The following CHD6 variants were observed in gnomAD, a reference collection of about 807,000 sequenced individuals.
CHD6 encodes the protein ATP-dependent chromatin remodeler CHD6.
CHD6 carries 50 observed loss-of-function variants against 276.9 expected under a neutral mutation model. That is an observed-to-expected ratio of 0.18 (90% CI 0.14 to 0.23). The LOEUF is 0.23. Ranked by LOEUF, CHD6 falls within the 10% of genes least tolerant of loss-of-function variation. The pLI, the probability that CHD6 is intolerant of heterozygous loss-of-function variation, is 1.00. For missense variants in CHD6, 2,564 were observed against 3,365.8 expected, an observed-to-expected ratio of 0.76 and a Z score of 5.89; for synonymous variants, 1,173 against 1,229.3, an observed-to-expected ratio of 0.95 and a Z score of 0.96.
intron 2 of CHD6, among the ~76,000 whole-genome samples, chr20:41,543,565 T>C (rs979258433): frequency 1.3e-5 from 2 of 152,306 alleles, no homozygotes; most frequent in African/African-American, 4.8e-5. Flanking sequence ...GAGAAACATA[T>C]CAAGAATAAA....
chr20:41,584,943 C>T (rs184369502), intron 1 of CHD6, among the ~76,000 whole-genome samples: 307 of 151,616 alleles, frequency 2.0e-3, no homozygotes, highest in Admixed American at 3.1e-3. Flanking sequence ...TCATAATGAA[C>T]GAAAATCAAT....
At chr20:41,491,457 G>A (rs2043552074) in intron 11 of CHD6, among the ~76,000 whole-genome samples, 1 of 151,134 alleles carries the variant, frequency 6.6e-6, no homozygotes, top group Non-Finnish European at 1.5e-5. Context: ...CCCTTTTGGT[G>A]TGGCTGGCCA....
chr20:41,492,249 C>A (rs964053403), intron 10 of CHD6, among the ~76,000 whole-genome samples: 1 of 152,154 alleles, frequency 6.6e-6, no homozygotes, highest in Non-Finnish European at 1.5e-5. Flanking sequence ...AGATGACTGA[C>A]AAGTTGAATT....
At chr20:41,485,269 C>G (rs1052678778) in intron 14 of CHD6, among the ~76,000 whole-genome samples, 1 of 152,146 alleles carries the variant, frequency 6.6e-6, no homozygotes, top group African/African-American at 2.4e-5. Context: ...ACTGCACCAG[C>G]AAGGTGACTT....
chr20:41,436,128 G>T (rs2145571979), intron 27 of CHD6, among the ~76,000 whole-genome samples: 1 of 152,166 alleles, frequency 6.6e-6, no homozygotes, highest in South Asian at 2.1e-4. Context: ...TCTGACAAAA[G>T]ACTAGTATCT....
intron 16 of CHD6, among the ~76,000 whole-genome samples, chr20:41,478,419 G>A (rs1306440188): frequency 1.3e-5 from 2 of 152,202 alleles, no homozygotes; most frequent in Non-Finnish European, 1.5e-5. Context: ...AAAGCAGACA[G>A]ATCTTGGAGA....
At position 41,512,858 on chromosome 20, in the gene CHD6, G is replaced by C. The variant is rs1007687144; in HGVS notation, c.840C>G (p.Ala280=). The part of the protein sequence containing the change: ...RTSALSASTL[A]WQAEEPPEDD... ...GCAAAGGCCATACCTCCGCCTGCCA[G>C]GCCAGTGTAGAGGCTGAGAGTGCAG... Residue 280 remains alanine, a synonymous_variant, in exon 5 of 37, where the codon GCC becomes GCG. Transcript: ENST00000373233. 1 of 1,613,936 alleles carries C rather than the reference G, an allele frequency of 6.2e-7. No homozygotes were observed. The highest frequency in any genetic ancestry group is 1.3e-5 in the African/African-American group (1 of 74,918).
Position 41,433,890 on chromosome 20 carries a change from G to T in CHD6, c.4068+3384C>A, listed in dbSNP as rs150387327. Among the ~76,000 whole-genome samples the T allele has an allele frequency of 2.8e-3, 419 of 152,070 alleles. 2 individuals are homozygous for T. The highest frequency in any genetic ancestry group is 0.024 in the Middle Eastern group (7 of 292). On this transcript the variant is annotated intron_variant, in intron 27 of 36. Transcript: ENST00000373233. ...TGATAAAATGATAGCATTAGTAGAC[G>T]GTGATACATTACATATAAATATATG...
chr20:41,576,418 G>A (rs1041296104), intron 1 of CHD6, among the ~76,000 whole-genome samples: 1 of 152,212 alleles, frequency 6.6e-6, no homozygotes, highest in African/African-American at 2.4e-5. Context: ...AGGCGTGGTG[G>A]CTCACATGTG....
intron 17 of CHD6, among the ~76,000 whole-genome samples, chr20:41,472,180 G>A (rs922807927): frequency 4.6e-5 from 7 of 151,778 alleles, no homozygotes; most frequent in African/African-American, 1.5e-4. Flanking sequence ...GGCAGAGGTT[G>A]CAGTGAGCTG....
chr20:41,405,559 C>G (rs2046651742), intron 36 of CHD6, 70 bp from the exon 37 acceptor site: 1 of 1,245,032 alleles, frequency 8.0e-7, no homozygotes, highest in Non-Finnish European at 1.1e-6. Context: ...GGGTGATGAC[C>G]AGGGCTCTGC....
At chr20:41,612,357 A>AT (rs764133512) in intron 1 of CHD6, among the ~76,000 whole-genome samples, 2 of 152,174 alleles carry the variant, frequency 1.3e-5, no homozygotes, top group Non-Finnish European at 2.9e-5. Context: ...TCCTCAATGC[A>AT]TTTTTACAAC....
chr20:41,527,230 A>T (rs2044562015), intron 3 of CHD6, among the ~76,000 whole-genome samples: 1 of 152,190 alleles, frequency 6.6e-6, no homozygotes, highest in Non-Finnish European at 1.5e-5. Flanking sequence ...TGAGGACAGG[A>T]GTTCAAGACC....
chr20:41,508,512 C>A (rs1017104553), intron 5 of CHD6, among the ~76,000 whole-genome samples: 8 of 152,040 alleles, frequency 5.3e-5, no homozygotes, highest in Non-Finnish European at 1.2e-4. Context: ...GTGTGTGCTG[C>A]AGTAAACTGT....
chr20:41,568,716 G>A (rs1177205022), intron 1 of CHD6, among the ~76,000 whole-genome samples: 1 of 152,086 alleles, frequency 6.6e-6, no homozygotes, highest in Non-Finnish European at 1.5e-5. Flanking sequence ...ACACATAATG[G>A]ATTCTGAATC....
chr20:41,579,807 A>G (rs895763681), intron 1 of CHD6, among the ~76,000 whole-genome samples: 7 of 152,214 alleles, frequency 4.6e-5, no homozygotes, highest in African/African-American at 1.7e-4. Flanking sequence ...CATGATATAT[A>G]TATTTCTAAG....
chr20:41,517,248 GA>G (rs1401439310), intron 3 of CHD6, among the ~76,000 whole-genome samples: 16 of 152,168 alleles, frequency 1.1e-4, no homozygotes, highest in Non-Finnish European at 4.4e-5. Context: ...TGGACACATA[GA>G]GGGGAATGAC....
intron 36 of CHD6, among the ~76,000 whole-genome samples, chr20:41,406,870 C>T (rs1170850426): frequency 6.6e-6 from 1 of 152,192 alleles, no homozygotes; most frequent in African/African-American, 2.4e-5. Flanking sequence ...GTTTCCTCAC[C>T]CAGGGGAGGT....
chr20:41,435,857 C>T (rs2047691543), intron 27 of CHD6, among the ~76,000 whole-genome samples: 1 of 152,236 alleles, frequency 6.6e-6, no homozygotes, highest in Admixed American at 6.5e-5. Flanking sequence ...AATTTTAAAA[C>T]TTACGGTATT....
Sources: gnomAD v4.1 joint callset for allele counts (sites outside exome capture counted in the v4.1 genomes callset) on GRCh38, gnomAD v4.1.1 for gene constraint, MANE v1.5 for transcripts, NCBI Gene and HGNC (gene_info 2026-07-23, HGNC 2026-07-21) for gene names.